The following LOC400499 variants were observed in gnomAD, a reference collection of about 807,000 sequenced individuals.
At chr16:11,448,337 G>A in the LOC400499 span, among the ~76,000 whole-genome samples, 3 of 152,198 alleles carry the variant, frequency 2.0e-5, no homozygotes, top group Non-Finnish European at 4.4e-5. Flanking sequence ...GCCAAGTTTT[G>A]CTCCTGGATC....
At chr16:11,511,348 C>A in the LOC400499 span, among the ~76,000 whole-genome samples, 1 of 152,058 alleles carries the variant, frequency 6.6e-6, no homozygotes, top group Non-Finnish European at 1.5e-5. Context: ...GGTGACCTAC[C>A]CGTATATTTA....
chr16:11,401,362 G>A, the LOC400499 span: 24 of 399,554 alleles, frequency 6.0e-5, no homozygotes, highest in South Asian at 2.5e-4. Flanking sequence ...CCAGGCGGGC[G>A]GCCAGCTCAC....
chr16:11,479,834 G>A, the LOC400499 span, among the ~76,000 whole-genome samples: 5 of 151,808 alleles, frequency 3.3e-5, no homozygotes, highest in East Asian at 3.9e-4. Flanking sequence ...TCCTCTTTCC[G>A]TCCCGAGATC....
chr16:11,476,910 C>T, the LOC400499 span: 6 of 399,094 alleles, frequency 1.5e-5, no homozygotes, highest in African/African-American at 8.2e-5. Context: ...CCAGGATGCC[C>T]GCTGTGCCCA....
the LOC400499 span, among the ~76,000 whole-genome samples, chr16:11,499,655 G>A: frequency 1.3e-5 from 2 of 152,132 alleles, no homozygotes; most frequent in South Asian, 4.1e-4. Context: ...ACCAGCTCCA[G>A]GGGCTCTCAG....
chr16:11,524,613 C>T, the LOC400499 span, among the ~76,000 whole-genome samples: 1 of 152,164 alleles, frequency 6.6e-6, no homozygotes, highest in Non-Finnish European at 1.5e-5. Flanking sequence ...CCTTCTCCCA[C>T]CATCGAAGGG....
chr16:11,376,677 C>T, the LOC400499 span, among the ~76,000 whole-genome samples: 2 of 152,008 alleles, frequency 1.3e-5, no homozygotes, highest in South Asian at 2.1e-4. Flanking sequence ...ATTTGGAGTC[C>T]CTTGAAATTG....
chr16:11,402,458 G>A, the LOC400499 span, among the ~76,000 whole-genome samples: 4 of 152,172 alleles, frequency 2.6e-5, no homozygotes, highest in Non-Finnish European at 4.4e-5. Context: ...GCCTCGTGAC[G>A]TGCTAATAAA....
the LOC400499 span, among the ~76,000 whole-genome samples, chr16:11,473,403 G>C: frequency 9.8e-4 from 148 of 150,738 alleles, no homozygotes; most frequent in African/African-American, 3.5e-3. Context: ...TTTATTTCCT[G>C]TCTTTTTACC....
At chr16:11,499,031 T>C in the LOC400499 span, among the ~76,000 whole-genome samples, 1 of 108,126 alleles carries the variant, frequency 9.2e-6, no homozygotes, top group East Asian at 2.6e-4. Flanking sequence ...ATCGAACATA[T>C]GTACAAATAA....
chr16:11,381,984 T>TCAGGCTGGAGTG, the LOC400499 span, among the ~76,000 whole-genome samples: 7 of 151,990 alleles, frequency 4.6e-5, no homozygotes, highest in Non-Finnish European at 1.0e-4. Flanking sequence ...GCTCTGTTGT[T>TCAGGCTGGAGTG]CAGGCTGGAG....
the LOC400499 span, chr16:11,425,449 G>A: frequency 2.5e-6 from 1 of 399,078 alleles, no homozygotes; most frequent in Non-Finnish European, 4.4e-6. Context: ...GAGAATGGTG[G>A]AGAAGAACAG....
At chr16:11,383,071 CTT>C in the LOC400499 span, among the ~76,000 whole-genome samples, 1 of 145,154 alleles carries the variant, frequency 6.9e-6, no homozygotes, top group Non-Finnish European at 1.5e-5. Context: ...GTGCCAGGGT[CTT>C]TTTTTTTTTT....
chr16:11,436,958 C>A, the LOC400499 span, among the ~76,000 whole-genome samples: 19 of 152,140 alleles, frequency 1.2e-4, no homozygotes, highest in African/African-American at 4.6e-4. Flanking sequence ...ACATGATACA[C>A]CCAGACAATG....
At chr16:11,399,165 G>A in the LOC400499 span, 8 of 974,938 alleles carry the variant, frequency 8.2e-6, no homozygotes, top group East Asian at 1.1e-4. Flanking sequence ...TCGGGGAACC[G>A]GAGCTCCCGA....
At chr16:11,480,095 C>T in the LOC400499 span, among the ~76,000 whole-genome samples, 1 of 152,174 alleles carries the variant, frequency 6.6e-6, no homozygotes, top group Non-Finnish European at 1.5e-5. Context: ...TTAGCTGGGC[C>T]ATGGGCTTCC....
chr16:11,505,470 T>TTTTTTTTTTTTTTTTTTTTTTTTTTTC, the LOC400499 span, among the ~76,000 whole-genome samples: 1 of 112,592 alleles, frequency 8.9e-6, no homozygotes, highest in Non-Finnish European at 1.8e-5. Context: ...TTTTTTTTTT[T>TTTTTTTTTTTTTTTTTTTTTTTTTTTC]TGGAGAAGAG....
chr16:11,402,670 T>G, the LOC400499 span, among the ~76,000 whole-genome samples: 1 of 151,670 alleles, frequency 6.6e-6, no homozygotes, highest in South Asian at 2.1e-4. Flanking sequence ...CTGAGCAGGC[T>G]GGAGAGCCCA....
At chr16:11,520,325 A>T in the LOC400499 span, among the ~76,000 whole-genome samples, 1,271 of 152,344 alleles carry the variant, frequency 8.3e-3, 30 homozygotes, top group African/African-American at 0.029. Flanking sequence ...ATTAGAGAGA[A>T]GTTCAAAGAC....
Sources: allele counts gnomAD v4.1 joint callset (sites outside exome capture counted in the v4.1 genomes callset), GRCh38; gene constraint gnomAD v4.1.1; transcripts MANE v1.5.